Variants in USP13 observed in about 807,000 individuals in gnomAD.
The protein encoded by USP13 is ubiquitin carboxyl-terminal hydrolase 13.
In USP13, 68 loss-of-function variants were observed where a neutral mutation model predicts 107.8. The observed-to-expected ratio is 0.63, with a 90% CI of 0.52 to 0.77. The LOEUF is 0.77. USP13 is among the 30% of genes least tolerant of loss of function. The pLI is 0.00. For missense variants in USP13, 945 were observed against 1,093.3 expected (o/e 0.86, Z 1.91); for synonymous variants, 377 against 389.5 (o/e 0.97, Z 0.38).
intron 5 of USP13, among the ~76,000 whole-genome samples, 191 bp from the exon 6 acceptor site, chr3:179,708,582 C>T (rs1192579632): frequency 6.6e-6 from 1 of 152,176 alleles, no homozygotes; most frequent in Non-Finnish European, 1.5e-5. Context: ...TCCCAAAGTG[C>T]TGGGGTTACA....
At chr3:179,761,952 A>G (rs6791717) in intron 17 of USP13, among the ~76,000 whole-genome samples, 7,092 of 152,280 alleles carry the variant, frequency 0.047, 554 homozygotes, top group African/African-American at 0.16. Context: ...TATAATGCAT[A>G]TATTCATCTG....
chr3:179,757,162 C>T (rs370451514), intron 16 of USP13, 84 bp downstream of exon 16: 17 of 1,486,050 alleles, frequency 1.1e-5, no homozygotes, highest in Middle Eastern at 3.4e-4. Flanking sequence ...AGTAAAGAGG[C>T]ATTGTTCTGT....
At chr3:179,666,313 C>G (rs1433874759) in intron 1 of USP13, among the ~76,000 whole-genome samples, 1 of 152,338 alleles carries the variant, frequency 6.6e-6, no homozygotes, top group East Asian at 1.9e-4. Flanking sequence ...TTGTGTAAAG[C>G]TGCTGAGTTG....
chr3:179,677,124 C>A (rs917766701), intron 1 of USP13, among the ~76,000 whole-genome samples: 8 of 151,336 alleles, frequency 5.3e-5, no homozygotes, highest in African/African-American at 1.9e-4. Flanking sequence ...TCCCAAAGTG[C>A]TGGAATTACA....
At chr3:179,726,681 G>A (rs1011749737) in intron 8 of USP13, among the ~76,000 whole-genome samples, 2 of 61,816 alleles carry the variant, frequency 3.2e-5, no homozygotes, top group Non-Finnish European at 6.2e-5. Context: ...TCCCTGGTAG[G>A]CTTTTTTTTT....
intron 1 of USP13, among the ~76,000 whole-genome samples, chr3:179,675,424 T>C (rs1333581397): frequency 4.8e-4 from 73 of 152,034 alleles, no homozygotes; most frequent in Non-Finnish European, 1.5e-5. Context: ...ATTTGACATA[T>C]ATTAAATAGT....
At chr3:179,697,026 T>C (rs1712350891) in intron 3 of USP13, among the ~76,000 whole-genome samples, 1 of 152,214 alleles carries the variant, frequency 6.6e-6, no homozygotes, top group Non-Finnish European at 1.5e-5. Flanking sequence ...ATGGAGTCTG[T>C]CCTAGTTTTC....
chr3:179,736,118 A>G (rs527882690), intron 10 of USP13, among the ~76,000 whole-genome samples: 156 of 152,314 alleles, frequency 1.0e-3, no homozygotes, highest in African/African-American at 3.7e-3. Context: ...TACCTAGTCC[A>G]TCTTCTGATT....
At chr3:179,674,400 A>G (rs1311806863) in intron 1 of USP13, among the ~76,000 whole-genome samples, 1 of 152,226 alleles carries the variant, frequency 6.6e-6, no homozygotes, top group African/African-American at 2.4e-5. Flanking sequence ...ACACAAAACA[A>G]AAAACAAAAA....
Position 179,742,711 on chromosome 3 carries a change from A to G in USP13, c.1534+361A>G, listed in dbSNP as rs976203094. On this transcript the variant is annotated intron_variant, in intron 12 of 20. Coordinates refer to ENST00000263966, the MANE Select transcript of USP13 (RefSeq NM_003940.3). The surrounding 1 kb of genome is among the most constrained non-coding windows in gnomAD (Gnocchi z 5.0). ...AGTTGTGCTATAAAGTCTGAGGGAA[A>G]TGATCAGGACTGCATTTTTTAAAGT... is the stretch of plus-strand genomic sequence containing the variant. Among the ~76,000 whole-genome samples the G allele has an allele frequency of 4.6e-5, 7 of 152,222 alleles. No individual in the cohort carries two copies. Among genetic ancestry groups the G allele is most frequent in the Non-Finnish European group, 5.9e-5 (4 of 68,028 alleles).
intron 11 of USP13, among the ~76,000 whole-genome samples, chr3:179,741,661 G>A (rs1398288653): frequency 6.6e-6 from 1 of 152,174 alleles, no homozygotes; most frequent in Non-Finnish European, 1.5e-5. Context: ...CCGGCCAACA[G>A]CCAGTGTTCA....
At chr3:179,746,938 A>G (rs1714433021) in intron 13 of USP13, among the ~76,000 whole-genome samples, 1 of 152,216 alleles carries the variant, frequency 6.6e-6, no homozygotes. Context: ...TAGAGTTCAT[A>G]TGTTAAAAAC....
chr3:179,781,419 T>C lies in USP13; in HGVS notation c.2414-320T>C, dbSNP rs565897932. 2.0e-4 allele frequency among the ~76,000 whole-genome samples: 31 copies of C among 152,270 alleles called. No individual in the cohort carries two copies. In the South Asian group the frequency reaches 6.4e-3, roughly 32 times the overall value. ...CCACCCTCGTGCTATTTGGAAGTGA[T>C]AGAGCCAGGACTACCCTTTTAGATC... On this transcript the variant is annotated intron_variant, in intron 19 of 20. Transcript: ENST00000263966.
intron 1 of USP13, among the ~76,000 whole-genome samples, chr3:179,670,790 T>G (rs1199333883): frequency 1.3e-5 from 2 of 151,992 alleles, no homozygotes; most frequent in Admixed American, 6.5e-5. Flanking sequence ...CTCTGCCTCC[T>G]GGGTTCTAGC....
intron 2 of USP13, among the ~76,000 whole-genome samples, chr3:179,686,321 C>T (rs1177845872): frequency 1.3e-5 from 2 of 152,210 alleles, no homozygotes; most frequent in Admixed American, 1.3e-4. Context: ...GTGGCTCACA[C>T]CTGTCATCCC....
chr3:179,705,348 G>A (rs1158955804), intron 4 of USP13, among the ~76,000 whole-genome samples: 1 of 151,604 alleles, frequency 6.6e-6, no homozygotes, highest in Non-Finnish European at 1.5e-5. Flanking sequence ...ATTAGAGTTG[G>A]GCATCCATCA....
rs1190122058 is a variant in USP13, at chr3:179,721,418, A to G, written c.917A>G (p.Gln306Arg). 4.3e-6 allele frequency: 7 copies of G among 1,613,982 alleles called. No individual in the cohort carries two copies. The highest frequency in any genetic ancestry group is 1.7e-5 in the Admixed American group (1 of 59,982). ...LHMHGTENGL[Q>R]DNDIKLRVSE... is the part of the protein sequence containing the mutation. ...TTGTCTCAGACAGAGAATGGGCTCC[A>G]GGACAATGACATCAAGCTGAGGGTC... is the stretch of plus-strand genomic sequence containing the variant. The change falls in exon 8 of 21, where the codon CAG becomes CGG. Residue 306 changes from glutamine to arginine, a missense_variant. Transcript: ENST00000263966. The surrounding 1 kb of genome is among the most constrained non-coding windows in gnomAD (Gnocchi z 4.3).
chr3:179,754,292 T>A (rs1714711762), intron 14 of USP13, among the ~76,000 whole-genome samples: 1 of 152,140 alleles, frequency 6.6e-6, no homozygotes, highest in South Asian at 2.1e-4. Flanking sequence ...TTGTCTAGGG[T>A]AGAAACTGAA....
At chr3:179,756,934 G>T in intron 15 of USP13, 118 bp from the exon 16 acceptor site, 1 of 992,066 alleles carries the variant, frequency 1.0e-6, no homozygotes. Flanking sequence ...TGACAACAGT[G>T]TGTGGTCCCC....
Sources: allele counts gnomAD v4.1 joint callset (sites outside exome capture counted in the v4.1 genomes callset), GRCh38; gene constraint gnomAD v4.1.1; non-coding constraint Gnocchi (gnomAD v3.1); transcripts MANE v1.5; gene names NCBI Gene and HGNC (gene_info 2026-07-23, HGNC 2026-07-21).